Variants in FMN1 observed in about 807,000 individuals in gnomAD.
FMN1 encodes formin-1.
In FMN1, 110 loss-of-function variants were observed where a neutral mutation model predicts 132.4. The observed-to-expected ratio is 0.83, with a 90% CI of 0.71 to 0.97. FMN1 has a LOEUF of 0.97. Among genes scored for constraint, FMN1 ranks in the 50% least tolerant of loss-of-function variants. The probability of loss-of-function intolerance (pLI) is 0.00; values close to 1 mark genes in which losing one functional copy is unlikely to be tolerated. For synonymous variants in FMN1, 722 were observed against 651.7 expected (o/e 1.11, Z -1.64); for missense variants, 1,792 against 1,705.3 (o/e 1.05, Z -0.90).
At chr15:33,158,004 A>AAG (rs938077019) in intron 3 of FMN1, among the ~76,000 whole-genome samples, 17 of 126,200 alleles carry the variant, frequency 1.3e-4, no homozygotes, top group African/African-American at 4.0e-4. Flanking sequence ...AAAAAAAAAA[A>AAG]AAAAAAGAAA....
chr15:32,855,044 C>CTCT (rs1422026446), intron 17 of FMN1, among the ~76,000 whole-genome samples: 1 of 149,216 alleles, frequency 6.7e-6, no homozygotes, highest in African/African-American at 2.5e-5. Flanking sequence ...TGGTCTCTAA[C>CTCT]ATAGAGCCTA....
intron 16 of FMN1, among the ~76,000 whole-genome samples, chr15:32,873,762 T>G (rs1331392020): frequency 2.0e-5 from 3 of 152,132 alleles, no homozygotes; most frequent in African/African-American, 7.2e-5. Flanking sequence ...TTAAACTCTC[T>G]AACATCTTCA....
chr15:32,938,797 T>G (rs1390631444), intron 9 of FMN1, among the ~76,000 whole-genome samples: 1 of 152,234 alleles, frequency 6.6e-6, no homozygotes, highest in African/African-American at 2.4e-5. Flanking sequence ...AGGTGAAATG[T>G]GTTTTCATGA....
At chr15:33,014,237 G>T (rs560066071) in intron 6 of FMN1, among the ~76,000 whole-genome samples, 115 of 152,376 alleles carry the variant, frequency 7.5e-4, no homozygotes, top group Middle Eastern at 3.4e-3. Flanking sequence ...TCAAAACTAA[G>T]TTAGTGCTTT....
chr15:32,930,188 C>G (rs1032887658), intron 9 of FMN1, among the ~76,000 whole-genome samples: 1 of 151,808 alleles, frequency 6.6e-6, no homozygotes, highest in Non-Finnish European at 1.5e-5. Flanking sequence ...GGGGTTTCAC[C>G]GTGTTAGCCA....
intron 7 of FMN1, among the ~76,000 whole-genome samples, chr15:32,974,479 A>G (rs949205729): frequency 6.6e-6 from 1 of 152,208 alleles, no homozygotes; most frequent in South Asian, 2.1e-4. Context: ...CAATTAAACC[A>G]TCCTGTTTTG....
At chr15:32,947,841 T>A (rs569027273) in intron 9 of FMN1, among the ~76,000 whole-genome samples, 21 of 152,206 alleles carry the variant, frequency 1.4e-4, no homozygotes, top group South Asian at 8.3e-4. Flanking sequence ...CTACTAGGTT[T>A]ACTCTATTCT....
intron 17 of FMN1, among the ~76,000 whole-genome samples, chr15:32,823,556 G>T (rs2058290213): frequency 6.6e-6 from 1 of 152,076 alleles, no homozygotes; most frequent in Non-Finnish European, 1.5e-5. Context: ...GTTATTCCAA[G>T]AAAACTGCTT....
chr15:33,108,883 G>C (rs567872204), intron 4 of FMN1, among the ~76,000 whole-genome samples: 1 of 152,206 alleles, frequency 6.6e-6, no homozygotes, highest in South Asian at 2.1e-4. Flanking sequence ...TTTGGCCTCT[G>C]TCAGTGACCT....
At chr15:33,140,244 C>T (rs1344550392) in intron 4 of FMN1, among the ~76,000 whole-genome samples, 5 of 140,524 alleles carry the variant, frequency 3.6e-5, no homozygotes, top group South Asian at 4.7e-4. Flanking sequence ...ACAGCTTATC[C>T]GTTTATCCCC....
intron 17 of FMN1, among the ~76,000 whole-genome samples, chr15:32,830,036 T>A (rs1360093871): frequency 6.6e-6 from 1 of 152,192 alleles, no homozygotes; most frequent in Admixed American, 6.5e-5. Flanking sequence ...CATTTTAATG[T>A]CTTCTTTATT....
At chr15:32,948,573 T>G (rs1321085060) in intron 9 of FMN1, among the ~76,000 whole-genome samples, 1 of 152,018 alleles carries the variant, frequency 6.6e-6, no homozygotes, top group Non-Finnish European at 1.5e-5. Context: ...ACGGAACCAT[T>G]CAGGTGATCT....
At chr15:32,814,610 G>A (rs988026940) in intron 17 of FMN1, among the ~76,000 whole-genome samples, 2 of 152,184 alleles carry the variant, frequency 1.3e-5, no homozygotes, top group African/African-American at 4.8e-5. Flanking sequence ...AATTTCAAAA[G>A]CAATGGGGTT....
At chr15:32,870,481 G>A (rs2059489747) in intron 16 of FMN1, among the ~76,000 whole-genome samples, 1 of 152,184 alleles carries the variant, frequency 6.6e-6, no homozygotes, top group Non-Finnish European at 1.5e-5. Flanking sequence ...TTTAAGCAGA[G>A]GTGACAGGGC....
At chr15:33,120,873 G>A (rs550554017) in intron 4 of FMN1, among the ~76,000 whole-genome samples, 4 of 151,686 alleles carry the variant, frequency 2.6e-5, no homozygotes, top group South Asian at 4.2e-4. Context: ...AAGCTCTCCA[G>A]GACTCTTTCT....
rs149165624 is a variant in FMN1 at position 33,069,668 on chromosome 15, G to C, written c.2044-4594C>G. 3.1e-3 allele frequency among the ~76,000 whole-genome samples: 465 copies of C among 151,990 alleles called. 6 individuals carry two copies. The highest frequency in any genetic ancestry group is 0.01 in the African/African-American group (432 of 41,508). On this transcript the variant is annotated intron_variant, in intron 5 of 20. Transcript: ENST00000616417. ...ACATTTCTAGCAATGTATTCAAAAGGAACGCTCACACAAATAAAAACGCAT... is the reference window on the plus strand; with the variant it reads ...ACATTTCTAGCAATGTATTCAAAAGCAACGCTCACACAAATAAAAACGCAT...
intron 3 of FMN1, among the ~76,000 whole-genome samples, chr15:33,162,611 G>A (rs952480842): frequency 2.6e-5 from 4 of 152,188 alleles, no homozygotes. Flanking sequence ...AATCAGGTTG[G>A]TAGGATATTA....
intron 16 of FMN1, among the ~76,000 whole-genome samples, chr15:32,876,369 G>T (rs2059637823): frequency 6.6e-6 from 1 of 152,168 alleles, no homozygotes; most frequent in Non-Finnish European, 1.5e-5. Context: ...GGGGAAACAT[G>T]GCAACTAAAT....
At chr15:33,106,981 C>T (rs950368049) in intron 4 of FMN1, among the ~76,000 whole-genome samples, 1 of 152,108 alleles carries the variant, frequency 6.6e-6, no homozygotes, top group South Asian at 2.1e-4. Flanking sequence ...CATAAGCTCT[C>T]GCCCTATCTC....
Sources: allele counts gnomAD v4.1 joint callset (sites outside exome capture counted in the v4.1 genomes callset), GRCh38; gene constraint gnomAD v4.1.1; transcripts MANE v1.5; gene names NCBI Gene and HGNC (gene_info 2026-07-23, HGNC 2026-07-21).